ACTR3C: variants seen among roughly 807,000 people sequenced by gnomAD.
ACTR3C encodes actin related protein 3C.
A neutral mutation model predicts 26.3 loss-of-function variants in ACTR3C; 18 were observed. That is an observed-to-expected ratio of 0.68 (90% CI 0.47 to 1.01). The LOEUF is 1.01. ACTR3C is among the 50% of genes least tolerant of loss of function. The pLI is 0.00. For synonymous variants in ACTR3C, 55 were observed against 94.5 expected (o/e 0.58, Z 2.42); for missense variants, 184 against 250.7 (o/e 0.73, Z 1.80).
At chr7:150,064,527 C>T in the ACTR3C span, among the ~76,000 whole-genome samples, 41,269 of 148,928 alleles carry the variant, frequency 0.28, 5,625 homozygotes, top group South Asian at 0.3. Flanking sequence ...ATCACACCCA[C>T]TGTACTCCAG....
the ACTR3C span, among the ~76,000 whole-genome samples, chr7:150,216,674 A>G: frequency 6.6e-6 from 1 of 151,972 alleles, no homozygotes; most frequent in African/African-American, 2.4e-5. Context: ...CTGTGTGCCT[A>G]TGAGAGGCGA....
At chr7:150,179,690 T>C in the ACTR3C span, among the ~76,000 whole-genome samples, 3 of 151,564 alleles carry the variant, frequency 2.0e-5, no homozygotes, top group Non-Finnish European at 2.9e-5. Context: ...GGGGTCTCGC[T>C]ATGTTGCCCA....
the ACTR3C span, among the ~76,000 whole-genome samples, chr7:150,089,803 T>C: frequency 7.2e-5 from 11 of 152,254 alleles, no homozygotes; most frequent in African/African-American, 2.4e-4. Flanking sequence ...TCTTCAAGGG[T>C]TTTCTGCCAG....
chr7:150,034,978 G>T, the ACTR3C span, among the ~76,000 whole-genome samples: 10 of 146,394 alleles, frequency 6.8e-5, no homozygotes, highest in South Asian at 8.7e-4. Context: ...ACTCTCGTGG[G>T]GGGTGCCTCC....
At chr7:150,006,841 T>C in the ACTR3C span, among the ~76,000 whole-genome samples, 8 of 152,238 alleles carry the variant, frequency 5.3e-5, no homozygotes, top group East Asian at 1.9e-4. Flanking sequence ...CTTCCTGTTA[T>C]GGATGGGAAT....
At chr7:150,070,237 G>T in the ACTR3C span, among the ~76,000 whole-genome samples, 2 of 152,122 alleles carry the variant, frequency 1.3e-5, no homozygotes, top group Non-Finnish European at 2.9e-5. Flanking sequence ...TCAGCATCAC[G>T]GCTGTAAGAA....
the ACTR3C span, among the ~76,000 whole-genome samples, chr7:150,006,401 G>A: frequency 6.8e-6 from 1 of 147,586 alleles, no homozygotes; most frequent in African/African-American, 2.5e-5. Flanking sequence ...GTTTCACTGT[G>A]TTAGCCAGGA....
chr7:150,277,465 C>T (rs1259593627), intron 6 of ACTR3C, among the ~76,000 whole-genome samples: 4 of 152,198 alleles, frequency 2.6e-5, no homozygotes, highest in South Asian at 4.1e-4. Context: ...TGTTACTCTC[C>T]CTTGGTGACA....
chr7:150,322,326 ACAAGATACAGGT>A (rs1451285287), intron 1 of ACTR3C, among the ~76,000 whole-genome samples: 1 of 152,262 alleles, frequency 6.6e-6, no homozygotes, highest in Non-Finnish European at 1.5e-5. Context: ...GAAGGTTGGC[ACAAGATACAGGT>A]CATACAGACC....
At chr7:149,998,937 T>C in the ACTR3C span, among the ~76,000 whole-genome samples, 2 of 150,444 alleles carry the variant, frequency 1.3e-5, 1 homozygote, top group African/African-American at 4.9e-5. Flanking sequence ...AGAATCCAAA[T>C]GCCACATGAT....
chr7:150,225,316 T>G, the ACTR3C span, among the ~76,000 whole-genome samples: 1 of 152,196 alleles, frequency 6.6e-6, no homozygotes, highest in East Asian at 1.9e-4. Context: ...TATAAATATT[T>G]CTATATTTAA....
the ACTR3C span, among the ~76,000 whole-genome samples, chr7:149,913,611 C>A: frequency 5.9e-5 from 9 of 151,768 alleles, no homozygotes; most frequent in African/African-American, 2.2e-4. Flanking sequence ...AGGGGCCGTG[C>A]GCGATTCACT....
the ACTR3C span, among the ~76,000 whole-genome samples, chr7:150,226,081 C>T: frequency 6.6e-6 from 1 of 152,216 alleles, no homozygotes; most frequent in African/African-American, 2.4e-5. Flanking sequence ...CCACACTTTC[C>T]CTATCCATTC....
chr7:150,092,001 A>AAAAAAAAAAAAAAAAAAAAAC, the ACTR3C span, among the ~76,000 whole-genome samples: 1 of 135,348 alleles, frequency 7.4e-6, no homozygotes, highest in Non-Finnish European at 1.5e-5. Flanking sequence ...AAAAAAAAAA[A>AAAAAAAAAAAAAAAAAAAAAC]AAAAAAAAAA....
At chr7:150,162,558 G>A in the ACTR3C span, among the ~76,000 whole-genome samples, 11 of 152,062 alleles carry the variant, frequency 7.2e-5, no homozygotes, top group South Asian at 2.1e-4. Flanking sequence ...CTTGTGATTC[G>A]CCCACCTCGG....
At chr7:150,254,557 A>G (rs752457275) in intron 6 of ACTR3C, among the ~76,000 whole-genome samples, 2 of 152,296 alleles carry the variant, frequency 1.3e-5, no homozygotes, top group East Asian at 3.9e-4. Context: ...AGATCATGGC[A>G]TCTGGACCAT....
chr7:150,037,884 G>T, the ACTR3C span, among the ~76,000 whole-genome samples: 1 of 129,120 alleles, frequency 7.7e-6, no homozygotes, highest in Non-Finnish European at 1.7e-5. Flanking sequence ...AAGAGCAAAG[G>T]GGGGAAGAGG....
the ACTR3C span, among the ~76,000 whole-genome samples, chr7:150,030,414 A>T: frequency 4.0e-5 from 6 of 151,730 alleles, no homozygotes; most frequent in African/African-American, 1.5e-4. Flanking sequence ...GTCACCAGAG[A>T]GTGCTAACCA....
At chr7:150,244,071 A>G (rs1389897744), downstream of ACTR3C, 1 of 151,468 alleles carries the variant, frequency 6.6e-6, no homozygotes, top group Non-Finnish European at 1.5e-5. Flanking sequence ...TATTCAGTAT[A>G]GTCTTAGAAT....
Sources: allele counts gnomAD v4.1 joint callset (sites outside exome capture counted in the v4.1 genomes callset), GRCh38; gene constraint gnomAD v4.1.1; transcripts MANE v1.5; gene names NCBI Gene and HGNC (gene_info 2026-07-23, HGNC 2026-07-21).